The following COMMD1 variants were observed in gnomAD, a reference collection of about 807,000 sequenced individuals.
The protein encoded by COMMD1 is COMM domain-containing protein 1.
Under a neutral mutation model 17.2 loss-of-function variants are expected in COMMD1, and 10 were observed. The observed-to-expected ratio is 0.58, with a 90% CI of 0.36 to 0.99. COMMD1 has a LOEUF of 0.99. Among genes scored for constraint, COMMD1 ranks in the 50% least tolerant of loss-of-function variants. The probability of loss-of-function intolerance (pLI) is 0.01; values close to 1 mark genes in which losing one functional copy is unlikely to be tolerated. For missense variants in COMMD1, 270 were observed against 231.8 expected (o/e 1.17, Z -1.07); for synonymous variants, 97 against 91.6 (o/e 1.06, Z -0.34).
chr2:61,983,547 TG>T lies in COMMD1; in HGVS notation c.181-17152del, dbSNP rs199560564. 4.9e-3 allele frequency among the ~76,000 whole-genome samples: 752 copies of T among 152,314 alleles called. 7 individuals carry two copies. Among genetic ancestry groups the T allele is most frequent in the African/African-American group, 0.017 (715 of 41,558 alleles). On this transcript the variant is annotated intron_variant, in intron 1 of 2. Coordinates refer to ENST00000311832, the MANE Select transcript of COMMD1 (RefSeq NM_152516.4). Reference sequence around the variant, plus strand: ...ACTTGTTATTGGTCTGTTCAGGTTTTGGATTTCTTCATTGTTCAATCTTGGT... The same window carrying T: ...ACTTGTTATTGGTCTGTTCAGGTTTTGATTTCTTCATTGTTCAATCTTGGT...
At chr2:61,983,339 G>A (rs973441894) in intron 1 of COMMD1, among the ~76,000 whole-genome samples, 9 of 151,772 alleles carry the variant, frequency 5.9e-5, no homozygotes, top group African/African-American at 2.2e-4. Flanking sequence ...ACAGGCACGT[G>A]CCACCACGCC....
At chr2:62,044,105 T>G (rs1056269150) in intron 2 of COMMD1, among the ~76,000 whole-genome samples, 2 of 152,190 alleles carry the variant, frequency 1.3e-5, no homozygotes, top group Non-Finnish European at 2.9e-5. Context: ...CCAGGTGGTG[T>G]TTTTGCCTTT....
chr2:61,954,589 A>T (rs1456324802), intron 1 of COMMD1, among the ~76,000 whole-genome samples: 2 of 152,168 alleles, frequency 1.3e-5, no homozygotes, highest in Non-Finnish European at 2.9e-5. Context: ...GGCATCTTTT[A>T]GTCATTTGCA....
intron 2 of COMMD1, among the ~76,000 whole-genome samples, chr2:62,091,262 G>C (rs1355834799): frequency 6.6e-6 from 1 of 152,120 alleles, no homozygotes; most frequent in African/African-American, 2.4e-5. Flanking sequence ...CCTCTTCCTG[G>C]AATAGCATTC....
At chr2:62,080,150 C>T (rs998839556) in intron 2 of COMMD1, among the ~76,000 whole-genome samples, 1 of 151,892 alleles carries the variant, frequency 6.6e-6, no homozygotes, top group Non-Finnish European at 1.5e-5. Context: ...CAAAGAAAAC[C>T]AGAATGAAGA....
chr2:61,954,539 T>A (rs1200384854), intron 1 of COMMD1, among the ~76,000 whole-genome samples: 2 of 152,228 alleles, frequency 1.3e-5, no homozygotes, highest in Non-Finnish European at 2.9e-5. Flanking sequence ...GGGAAGTTAA[T>A]CTATAATGAA....
At chr2:62,044,119 C>G (rs183892982) in intron 2 of COMMD1, among the ~76,000 whole-genome samples, 15 of 152,248 alleles carry the variant, frequency 9.9e-5, no homozygotes, top group African/African-American at 3.6e-4. Context: ...TGCCTTTTGG[C>G]TTCCCTCTTG....
upstream of COMMD1, among the ~76,000 whole-genome samples, chr2:61,904,658 T>C (rs886515047): frequency 1.3e-5 from 2 of 152,246 alleles, no homozygotes; most frequent in African/African-American, 4.8e-5. Flanking sequence ...TTTCATTTTA[T>C]GATAAATTAC....
In COMMD1 at chr2:62,062,889, G is replaced by A. The variant is rs193012737; in HGVS notation, c.462+61907G>A. ...GTTCGTGACCAGCCTGGGCAACGTA[G>A]GGACACCCTGTCTCTACCAAAAAAA... On this transcript the variant is annotated intron_variant, in intron 2 of 2. Transcript: ENST00000311832. Among the ~76,000 whole-genome samples the A allele has an allele frequency of 3.6e-3, 542 of 151,940 alleles. 6 individuals carry two copies. The highest frequency in any genetic ancestry group is 0.012 in the African/African-American group (501 of 41,440).
At chr2:61,987,184 C>A (rs185819140) in intron 1 of COMMD1, among the ~76,000 whole-genome samples, 1 of 152,072 alleles carries the variant, frequency 6.6e-6, no homozygotes, top group African/African-American at 2.4e-5. Context: ...GATTGTTCCC[C>A]GGAGCTTTAT....
At chr2:61,931,435 C>T (rs954788860) in intron 1 of COMMD1, among the ~76,000 whole-genome samples, 4 of 152,120 alleles carry the variant, frequency 2.6e-5, no homozygotes, top group Admixed American at 6.5e-5. Flanking sequence ...CACATAGTAG[C>T]GTTGCTGCTG....
chr2:62,133,307 G>A (rs546826953), intron 2 of COMMD1, among the ~76,000 whole-genome samples: 6 of 152,234 alleles, frequency 3.9e-5, no homozygotes, highest in African/African-American at 1.2e-4. Flanking sequence ...ATGTTCTTTT[G>A]GCTGATGGCA....
At chr2:62,024,577 T>G (rs1669702945) in intron 2 of COMMD1, among the ~76,000 whole-genome samples, 1 of 152,206 alleles carries the variant, frequency 6.6e-6, no homozygotes, top group South Asian at 2.1e-4. Flanking sequence ...ATATCTTTTT[T>G]GGGGCTTATA....
chr2:61,906,819 A>G (rs2105171617), intron 1 of COMMD1, among the ~76,000 whole-genome samples: 1 of 152,348 alleles, frequency 6.6e-6, no homozygotes, highest in South Asian at 2.1e-4. Context: ...TAAACAGCCT[A>G]AAATTCATTT....
At chr2:61,972,961 G>C (rs988994252) in intron 1 of COMMD1, among the ~76,000 whole-genome samples, 2 of 151,864 alleles carry the variant, frequency 1.3e-5, no homozygotes, top group Admixed American at 1.3e-4. Context: ...GTGAGCCTCC[G>C]CACCTGGCCC....
chr2:61,934,896 G>A (rs1182723124), intron 1 of COMMD1, among the ~76,000 whole-genome samples: 3 of 152,144 alleles, frequency 2.0e-5, no homozygotes, highest in Non-Finnish European at 4.4e-5. Context: ...GAGATTACAG[G>A]CATGAGCTGC....
Position 61,942,143 on chromosome 2 carries a change from G to T in COMMD1, c.180+36285G>T, listed in dbSNP as rs566031054. Among the ~76,000 whole-genome samples, 5 of 151,996 alleles carry T rather than the reference G, an allele frequency of 3.3e-5. No individual in the cohort carries two copies. In the South Asian group the frequency reaches 1.0e-3, roughly 32 times the overall value. On this transcript the variant is annotated intron_variant, in intron 1 of 2. Transcript: ENST00000311832. ...ATTTTTGAGACAGTCTTGCTCTGTCGCCCAGGCTGGAGTGCAGTGGCATGA... is the reference window on the plus strand; with the variant it reads ...ATTTTTGAGACAGTCTTGCTCTGTCTCCCAGGCTGGAGTGCAGTGGCATGA...
chr2:62,129,364 A>G (rs1056254672), intron 2 of COMMD1, among the ~76,000 whole-genome samples: 4 of 152,230 alleles, frequency 2.6e-5, no homozygotes, highest in Non-Finnish European at 5.9e-5. Flanking sequence ...AGAGAAGGGA[A>G]GATAATGAAT....
At chr2:62,040,351 C>G (rs991587488) in intron 2 of COMMD1, among the ~76,000 whole-genome samples, 56 of 152,286 alleles carry the variant, frequency 3.7e-4, no homozygotes, top group Non-Finnish European at 2.4e-4. Flanking sequence ...AAGTTAGTAG[C>G]AGGGCCAGAG....
Sources: gnomAD v4.1 joint callset for allele counts (sites outside exome capture counted in the v4.1 genomes callset) on GRCh38, gnomAD v4.1.1 for gene constraint, MANE v1.5 for transcripts, NCBI Gene and HGNC (gene_info 2026-07-23, HGNC 2026-07-21) for gene names.